PIK3R6: variants seen among roughly 807,000 people sequenced by gnomAD.
PIK3R6 encodes the protein phosphoinositide-3-kinase regulatory subunit 6, also known as phosphoinositide 3-kinase regulatory subunit 6.
Under a neutral mutation model 84.9 loss-of-function variants are expected in PIK3R6, and 91 were observed. That is an observed-to-expected ratio of 1.07 (90% confidence interval 0.90 to 1.28). The LOEUF (loss-of-function observed/expected upper bound fraction) is 1.28, where lower values mean the gene tolerates loss of function less well. Among genes scored for constraint, PIK3R6 ranks in the 50% most tolerant of loss-of-function variants. PIK3R6 has a pLI of 0.00. For missense variants in PIK3R6, 996 were observed against 985.1 expected, an observed-to-expected ratio of 1.01 and a Z score of -0.15; for synonymous variants, 416 against 411.4, an observed-to-expected ratio of 1.01 and a Z score of -0.13.
At chr17:8,822,943 T>C (rs1431354739) in intron 15 of PIK3R6, 53 bp downstream of exon 15, 3 of 1,418,280 alleles carry the variant, frequency 2.1e-6, no homozygotes, top group Non-Finnish European at 3.0e-6. Context: ...AGGATGAGAG[T>C]TTGGAGAAGC....
At chr17:8,867,095 C>T (rs976758986) in intron 1 of PIK3R6, among the ~76,000 whole-genome samples, 2 of 152,180 alleles carry the variant, frequency 1.3e-5, no homozygotes, top group Middle Eastern at 3.2e-3. Context: ...TGGCAAGTTG[C>T]TTCATCTCCC....
chr17:8,805,025 G>A (rs1012887328), intron 18 of PIK3R6, among the ~76,000 whole-genome samples: 5 of 152,216 alleles, frequency 3.3e-5, no homozygotes, highest in Admixed American at 6.5e-5. Flanking sequence ...TCTAGCAGAG[G>A]CACGAGCAGC....
At chr17:8,805,676 G>A (rs1011989292) in intron 18 of PIK3R6, among the ~76,000 whole-genome samples, 1 of 152,176 alleles carries the variant, frequency 6.6e-6, no homozygotes, top group Non-Finnish European at 1.5e-5. Flanking sequence ...AGCACTTTGG[G>A]AGGCCAAGGT....
At chr17:8,804,468 T>C (rs906131972) in intron 18 of PIK3R6, among the ~76,000 whole-genome samples, 1 of 152,184 alleles carries the variant, frequency 6.6e-6, no homozygotes, top group African/African-American at 2.4e-5. Flanking sequence ...TCTTCAACAT[T>C]TTCCGAGCAC....
chr17:8,839,474 T>C lies in PIK3R6; in HGVS notation c.97+140A>G. Reference sequence around the variant, plus strand: ...CTCAGTCCTTCAGGCTCTAGGTATTTCCAGCAGGAAAGGGGTTTGGTGAGA... The same window carrying C: ...CTCAGTCCTTCAGGCTCTAGGTATTCCCAGCAGGAAAGGGGTTTGGTGAGA... On this transcript the variant is annotated intron_variant, in intron 3 of 19. Coordinates refer to ENST00000619866, the MANE Select transcript of PIK3R6 (RefSeq NM_001010855.4). The surrounding 1 kb of genome is among the most constrained non-coding windows in gnomAD (Gnocchi z 4.2). 1 of 594,246 alleles carries C rather than the reference T, an allele frequency of 1.7e-6. No homozygotes were observed. Among genetic ancestry groups the C allele is most frequent in the Non-Finnish European group, 2.9e-6 (1 of 343,384 alleles). 36.8% of individuals were successfully genotyped at this position (594,246 alleles called of 1,614,324 possible).
intron 18 of PIK3R6, among the ~76,000 whole-genome samples, chr17:8,807,518 G>A (rs781721639): frequency 6.6e-6 from 1 of 152,126 alleles, no homozygotes; most frequent in East Asian, 1.9e-4. Context: ...GAAGGAAGGG[G>A]GAAAAGCATT....
Position 8,839,121 on chromosome 17 carries a change from G to T in PIK3R6, c.98-466C>A, listed in dbSNP as rs752757052. On this transcript the variant is annotated intron_variant, in intron 3 of 19. Coordinates refer to ENST00000619866, the MANE Select transcript of PIK3R6 (RefSeq NM_001010855.4). The surrounding 1 kb of genome is among the most constrained non-coding windows in gnomAD (Gnocchi z 4.2). ...CCAGCACTTTGGGAGGCTGAGACAGGCGGGTCACTTGCGGTCAGGAGTTCG... is the reference window on the plus strand; with the variant it reads ...CCAGCACTTTGGGAGGCTGAGACAGTCGGGTCACTTGCGGTCAGGAGTTCG... Among the ~76,000 whole-genome samples, 10 of 152,314 alleles carry T rather than the reference G, an allele frequency of 6.6e-5. No homozygotes were observed. The highest frequency in any genetic ancestry group is 1.5e-4 in the Non-Finnish European group (10 of 68,030).
At chr17:8,821,244 TTC>T (rs1395502618) in intron 17 of PIK3R6, among the ~76,000 whole-genome samples, 3 of 152,190 alleles carry the variant, frequency 2.0e-5, no homozygotes, top group Non-Finnish European at 4.4e-5. Flanking sequence ...TGAATTCCAG[TTC>T]TGATTCTTCC....
intron 18 of PIK3R6, among the ~76,000 whole-genome samples, chr17:8,815,459 T>A (rs1030168018): frequency 6.9e-6 from 1 of 145,832 alleles, no homozygotes; most frequent in Non-Finnish European, 1.5e-5. Flanking sequence ...TGAGCCGAGA[T>A]CTCACCACTG....
At chr17:8,824,748 C>T (rs186925135) in intron 13 of PIK3R6, among the ~76,000 whole-genome samples, 29 of 152,288 alleles carry the variant, frequency 1.9e-4, no homozygotes, top group Admixed American at 1.2e-3. Flanking sequence ...GTAATAGCAT[C>T]CAAGTTTCAA....
chr17:8,833,566 G>A (rs186772014), intron 8 of PIK3R6, among the ~76,000 whole-genome samples: 3,234 of 143,708 alleles, frequency 0.023, 56 homozygotes, highest in Middle Eastern at 0.038. Context: ...TTTTGAGACG[G>A]AGTCTTGCTC....
intron 2 of PIK3R6, among the ~76,000 whole-genome samples, chr17:8,846,604 G>A (rs1438072231): frequency 6.6e-6 from 1 of 152,210 alleles, no homozygotes; most frequent in East Asian, 1.9e-4. Context: ...CATTGGAATA[G>A]TTTTCCATTT....
Position 8,829,415 on chromosome 17 carries a change from C to G in PIK3R6, c.889+291G>C, listed in dbSNP as rs566142187. 4.0e-5 allele frequency among the ~76,000 whole-genome samples: 6 copies of G among 151,066 alleles called. No individual in the cohort carries two copies. In the South Asian group the frequency reaches 8.4e-4, roughly 21 times the overall value. On this transcript the variant is annotated intron_variant, in intron 10 of 19. Coordinates refer to ENST00000619866, the MANE Select transcript of PIK3R6 (RefSeq NM_001010855.4). Reference sequence around the variant, plus strand: ...ACACGCATGCACACATACACACAGACACACTGACACACTCATGGATACACA... The same window carrying G: ...ACACGCATGCACACATACACACAGAGACACTGACACACTCATGGATACACA...
At position 8,827,247 on chromosome 17, in the gene PIK3R6, G is replaced by C. The variant is rs760084853; in HGVS notation, c.1440C>G (p.Phe480Leu). 2 of 1,585,548 alleles carry C rather than the reference G, an allele frequency of 1.3e-6. No homozygotes were observed. The highest frequency in any genetic ancestry group is 1.7e-6 in the Non-Finnish European group (2 of 1,166,140). The change falls in exon 13 of 20, where the codon TTC becomes TTG. Residue 480 changes from phenylalanine to leucine, a missense_variant. Phe to Leu is a conservative substitution (Grantham distance 22, BLOSUM62 0). Transcript: ENST00000619866. The part of the protein sequence containing the change: ...RQPELGELAT[F>L]LGRVDPWYQS... ...GGTACCACGGGTCTACGCGGCCCAGGAACGTAGCCAGCTCTCCCAGCTCCG... is the reference window on the plus strand; with the variant it reads ...GGTACCACGGGTCTACGCGGCCCAGCAACGTAGCCAGCTCTCCCAGCTCCG...
intron 10 of PIK3R6, 92 bp from the exon 11 acceptor site, chr17:8,829,082 C>T (rs2088066396): frequency 8.4e-7 from 1 of 1,191,452 alleles, no homozygotes; most frequent in African/African-American, 1.6e-5. Context: ...GATACACACA[C>T]ACAGAAACAC....
rs2088059985 is a variant in PIK3R6 at position 8,828,976 on chromosome 17, G to T, written c.904C>A (p.Leu302Ile). The change falls in exon 11 of 20, where the codon CTC becomes ATC. Residue 302 changes from leucine to isoleucine, a missense_variant. Physicochemically the swap from Leu to Ile is conservative, Grantham distance 5. Transcript: ENST00000619866. The stretch of plus-strand genomic sequence containing the variant: ...AGCTGGGATCTTGGGCGGAGGAAGA[G>T]CACCAGTTCCTTCCCTGGGGTGGGG... ...GEEQLWKELVLFLRPRSQLRL... is the reference protein window; with the variant it reads ...GEEQLWKELVIFLRPRSQLRL... 3 of 1,498,278 alleles carry T rather than the reference G, an allele frequency of 2.0e-6. No homozygotes were observed. In the East Asian group the frequency reaches 7.2e-5, roughly 36 times the overall value. 92.8% of individuals were successfully genotyped at this position (1,498,278 alleles called of 1,614,324 possible).
In PIK3R6 at chr17:8,844,052, T is replaced by G. The variant is rs1459138758; in HGVS notation, c.14-4355A>C. 6.6e-6 allele frequency among the ~76,000 whole-genome samples: 1 copy of G among 152,112 alleles called. No homozygotes were observed. The highest frequency in any genetic ancestry group is 2.4e-5 in the African/African-American group (1 of 41,398). On this transcript the variant is annotated intron_variant, in intron 2 of 19. Transcript: ENST00000619866. This position sits in a 1 kb window ranked among gnomAD's most constrained non-coding sequence, Gnocchi z 4.5. ...ACAAGGGATATAGGGTTCCAGGGAA[T>G]GAGGAAAATCAGACCGGCTGGGACA...
At chr17:8,827,404 G>T in intron 12 of PIK3R6, 110 bp from the exon 13 acceptor site, 1 of 1,282,188 alleles carries the variant, frequency 7.8e-7, no homozygotes, top group Non-Finnish European at 1.0e-6. Context: ...AACCTCTTGG[G>T]GCATGAATTT....
chr17:8,824,527 T>G (rs887503999), intron 13 of PIK3R6, among the ~76,000 whole-genome samples: 2 of 152,222 alleles, frequency 1.3e-5, no homozygotes, highest in Admixed American at 6.5e-5. Flanking sequence ...AGGGTCACAC[T>G]GAGGAGCTAT....
Sources: gnomAD v4.1 joint callset for allele counts (sites outside exome capture counted in the v4.1 genomes callset) on GRCh38, gnomAD v4.1.1 for gene constraint, Gnocchi (gnomAD v3.1) non-coding constraint, MANE v1.5 for transcripts, NCBI Gene and HGNC (gene_info 2026-07-23, HGNC 2026-07-21) for gene names.